TFIP11: variants seen among roughly 807,000 people sequenced by gnomAD.
TFIP11 encodes tuftelin-interacting protein 11.
Under a neutral mutation model 96.8 loss-of-function variants are expected in TFIP11, and 86 were observed. The observed-to-expected ratio is 0.89, with a 90% CI of 0.75 to 1.06. TFIP11 has a LOEUF of 1.06. Among genes scored for constraint, TFIP11 ranks in the 50% least tolerant of loss-of-function variants. TFIP11 has a pLI of 0.00. For synonymous variants in TFIP11, 405 were observed against 395.2 expected (o/e 1.02, Z -0.29); for missense variants, 881 against 1,076.7 (o/e 0.82, Z 2.54).
chr22:26,510,085 C>A lies in TFIP11; in HGVS notation c.188G>T (p.Arg63Met). 6.2e-7 allele frequency: 1 copy of A among 1,613,782 alleles called. No individual in the cohort carries two copies. The highest frequency in any genetic ancestry group is 8.5e-7 in the Non-Finnish European group (1 of 1,180,036). Residue 63 changes from arginine to methionine, a missense_variant, in exon 4 of 15, where the codon AGG becomes ATG. Coordinates refer to ENST00000407690, the MANE Select transcript of TFIP11 (RefSeq NM_012143.4). ...VWAERDSDDE[R>M]PSFGGKRARD... ...ATACCGTTTGCCTCCAAAGCTGGGC[C>A]TCTCATCATCCGAGTCTCGCTCTGC...
intron 14 of TFIP11, 85 bp downstream of exon 14, chr22:26,494,054 C>T (rs1388635719): frequency 1.3e-6 from 2 of 1,505,420 alleles, no homozygotes; most frequent in Non-Finnish European, 1.8e-6. Context: ...CCTACAGGAA[C>T]CAGAAAACTC....
Position 26,491,433 on chromosome 22 carries a change from A to AATTC in TFIP11, c.*579_*580insGAAT. 6.4e-7 allele frequency: 1 copy of AATTC among 1,553,722 alleles called. No homozygotes were observed. Among genetic ancestry groups the AATTC allele is most frequent in the East Asian group, 2.2e-5 (1 of 44,486 alleles). ...GAGTGGGGATTACTGTGACTATCTG[A>AATTC]AGTTTTTATACTTGAATTTTTCTGC... On this transcript the variant is annotated 3_prime_UTR_variant, in exon 15 of 15. Coordinates refer to ENST00000407690, the MANE Select transcript of TFIP11 (RefSeq NM_012143.4).
rs371455445 is a variant in TFIP11 at position 26,492,344 on chromosome 22, C to T, written c.2183G>A (p.Arg728Gln). 5.6e-6 allele frequency: 9 copies of T among 1,614,112 alleles called. No homozygotes were observed. The highest frequency in any genetic ancestry group is 3.3e-5 in the Admixed American group (2 of 60,026). The change falls in exon 15 of 15, where the codon CGG becomes CAG. Residue 728 changes from arginine (R) to glutamine (Q), a missense_variant. Transcript: ENST00000407690. ...NVGAYMQPGA[R>Q]ENIAYLTHTE... is the part of the protein sequence containing the mutation. ...GTGGGTGAGATAGGCAATGTTCTCC[C>T]GTGCTCCTGGCTGCATGTAGGCACC...
rs1318020335 is a variant in TFIP11, at chr22:26,496,826, G to C, written c.1500C>G (p.Asn500Lys). Residue 500 changes from asparagine (N) to lysine (K), a missense_variant, in exon 11 of 15, where the codon AAC (asparagine) becomes AAG (lysine). Transcript: ENST00000407690. ...CCAAAAAGTCCACCATCGGGTCACA[G>C]TTCCTTGGCTGCCACTGGGTGACAA... Reference protein sequence around the residue: ...RNIVTQWQPRNCDPMVDFLDS... With the variant: ...RNIVTQWQPRKCDPMVDFLDS... The C allele has an allele frequency of 6.2e-7, 1 of 1,614,204 alleles. No individual in the cohort carries two copies. Among genetic ancestry groups the C allele is most frequent in the Non-Finnish European group, 8.5e-7 (1 of 1,180,048 alleles).
chr22:26,504,754 T>C lies in TFIP11; in HGVS notation c.521-961A>G, dbSNP rs188651514. Reference sequence around the variant, plus strand: ...TGTATTTTTCATGTACCTAATGTTTTCAACACATAACCTGGATTTCACTTT... The same window carrying C: ...TGTATTTTTCATGTACCTAATGTTTCCAACACATAACCTGGATTTCACTTT... On this transcript the variant is annotated intron_variant, in intron 6 of 14. Coordinates refer to ENST00000407690, the MANE Select transcript of TFIP11 (RefSeq NM_012143.4). 3.3e-5 allele frequency among the ~76,000 whole-genome samples: 5 copies of C among 152,260 alleles called. No homozygotes were observed. In the East Asian group the frequency reaches 9.7e-4, roughly 29 times the overall value.
chr22:26,499,776 G>T, intron 8 of TFIP11, 145 bp from the exon 9 acceptor site: 1 of 860,864 alleles, frequency 1.2e-6, no homozygotes, highest in Non-Finnish European at 1.8e-6. Flanking sequence ...GTTGTAAAGT[G>T]GGAACCATAC....
chr22:26,502,779 A>G (rs1922949756), intron 7 of TFIP11, among the ~76,000 whole-genome samples: 1 of 152,176 alleles, frequency 6.6e-6, no homozygotes, highest in South Asian at 2.1e-4. Flanking sequence ...ATAAGCAACA[A>G]TCACCTAGAG....
chr22:26,506,854 A>C lies in TFIP11; in HGVS notation c.284T>G (p.Leu95Trp), dbSNP rs17853157. 2 of 1,614,194 alleles carry C rather than the reference A, an allele frequency of 1.2e-6. No homozygotes were observed. Among genetic ancestry groups the C allele is most frequent in the East Asian group, 2.2e-5 (1 of 44,884 alleles). Residue 95 changes from leucine (L) to tryptophan (W), a missense_variant, in exon 5 of 15, where the codon TTG becomes TGG. Coordinates refer to ENST00000407690, the MANE Select transcript of TFIP11 (RefSeq NM_012143.4). The part of the protein sequence containing the change: ...LKKGAAEEAE[L>W]EDSDDEEKPV... ...TTTCTCTTCGTCATCAGAATCTTCC[A>C]ACTCTGCCTCCTCCGCTGCCCCTTT...
chr22:26,502,705 G>A (rs1922942994), intron 7 of TFIP11, among the ~76,000 whole-genome samples: 1 of 152,168 alleles, frequency 6.6e-6, no homozygotes, highest in African/African-American at 2.4e-5. Context: ...TTCTCTAAAA[G>A]TATCTAGACA....
At chr22:26,495,774 T>C (rs1230868837) in intron 12 of TFIP11, among the ~76,000 whole-genome samples, 1 of 152,038 alleles carries the variant, frequency 6.6e-6, no homozygotes, top group Non-Finnish European at 1.5e-5. Flanking sequence ...ACAAAAATTT[T>C]AGAACTCCAA....
In TFIP11 at chr22:26,494,827, A is replaced by G; in HGVS notation, c.1962T>C (p.Leu654=). 6.2e-7 allele frequency: 1 copy of G among 1,614,208 alleles called. No individual in the cohort carries two copies. The change falls in exon 13 of 15, where the codon CTT becomes CTC. Residue 654 remains leucine, a synonymous_variant. Coordinates refer to ENST00000407690, the MANE Select transcript of TFIP11 (RefSeq NM_012143.4). ...MISVSSLVGL[L]EKHFFPKWLQ... The stretch of plus-strand genomic sequence containing the variant: ...GCCACTTGGGGAAGAAGTGCTTTTC[A>G]AGAAGTCCCACCAGGCTAGAGACAG...
chr22:26,503,101 G>C (rs1490744392), intron 7 of TFIP11, among the ~76,000 whole-genome samples: 1 of 152,162 alleles, frequency 6.6e-6, no homozygotes, highest in African/African-American at 2.4e-5. Flanking sequence ...GGGGAAAAGG[G>C]ACACACAGCT....
Position 26,496,747 on chromosome 22 carries a change from G to C in TFIP11, c.1579C>G (p.Leu527Val), listed in dbSNP as rs1055309405. ...TCCTTTTGCAGCTTGGGGAAGATGA[G>C]TTGGTCCAGTATGTTATCTAAGATC... is the stretch of plus-strand genomic sequence containing the variant. ...VWILDNILDQ[L>V]IFPKLQKEVE... The change falls in exon 11 of 15, where the codon CTC (leucine) becomes GTC (valine). Residue 527 changes from leucine (L) to valine (V), a missense_variant. By Grantham distance (32) the Leu-to-Val change is conservative. Coordinates refer to ENST00000407690, the MANE Select transcript of TFIP11 (RefSeq NM_012143.4). 1 of 1,612,512 alleles carries C rather than the reference G, an allele frequency of 6.2e-7. No homozygotes were observed. The highest frequency in any genetic ancestry group is 1.3e-5 in the African/African-American group (1 of 74,564).
At chr22:26,493,021 G>A (rs546338227) in intron 14 of TFIP11, 1 of 151,990 alleles carries the variant, frequency 6.6e-6, no homozygotes, top group Non-Finnish European at 1.5e-5. Context: ...CACAGAATAG[G>A]CTATTTTTCT....
chr22:26,498,838 C>T, intron 10 of TFIP11, 31 bp downstream of exon 10: 1 of 1,574,480 alleles, frequency 6.4e-7, no homozygotes, highest in Non-Finnish European at 8.7e-7. Context: ...GAGAAAGGAG[C>T]TGGGGTACAG....
At chr22:26,511,766 A>C (rs1034224804) in intron 2 of TFIP11, 1 of 152,220 alleles carries the variant, frequency 6.6e-6, no homozygotes, top group Non-Finnish European at 1.5e-5. Flanking sequence ...GCAAAACGTT[A>C]TCTCTGCCTT....
chr22:26,491,609 T>C lies in TFIP11; in HGVS notation c.*404A>G. On this transcript the variant is annotated 3_prime_UTR_variant, in exon 15 of 15. Coordinates refer to ENST00000407690, the MANE Select transcript of TFIP11 (RefSeq NM_012143.4). ...GGGAGTTTCGGGAAGAACCAGATTA[T>C]CAGGACTGTGAGGACCTTGAAATCA... 1 of 1,614,130 alleles carries C rather than the reference T, an allele frequency of 6.2e-7. No homozygotes were observed. The highest frequency in any genetic ancestry group is 1.3e-5 in the African/African-American group (1 of 75,060).
intron 4 of TFIP11, among the ~76,000 whole-genome samples, chr22:26,509,317 A>G (rs1015942800): frequency 6.6e-6 from 1 of 152,124 alleles, no homozygotes; most frequent in African/African-American, 2.4e-5. Flanking sequence ...ACTGTCAGTC[A>G]TATCAGCTTA....
intron 4 of TFIP11, among the ~76,000 whole-genome samples, chr22:26,509,650 G>A (rs1428143023): frequency 6.6e-6 from 1 of 152,186 alleles, no homozygotes; most frequent in Admixed American, 6.5e-5. Context: ...GAGGTCAGGA[G>A]TTCAAGACCA....
Sources: allele counts gnomAD v4.1 joint callset (sites outside exome capture counted in the v4.1 genomes callset), GRCh38; gene constraint gnomAD v4.1.1; transcripts MANE v1.5; gene names NCBI Gene and HGNC (gene_info 2026-07-23, HGNC 2026-07-21).